The following ZNF439 variants were observed in gnomAD, a reference collection of about 807,000 sequenced individuals.
The protein encoded by ZNF439 is zinc finger protein 439.
ZNF439 carries 40 observed loss-of-function variants against 47.3 expected under a neutral mutation model. The observed-to-expected ratio is 0.85, with a 90% confidence interval of 0.66 to 1.10. The LOEUF (loss-of-function observed/expected upper bound fraction) is 1.10, where lower values mean the gene tolerates loss of function less well. Ranked by LOEUF, ZNF439 falls within the 50% of genes least tolerant of loss-of-function variation. The probability of loss-of-function intolerance (pLI) is 0.00; values close to 1 mark genes in which losing one functional copy is unlikely to be tolerated. For missense variants in ZNF439, 556 were observed against 601.1 expected, an observed-to-expected ratio of 0.93 and a Z score of 0.78; for synonymous variants, 171 against 198.8, an observed-to-expected ratio of 0.86 and a Z score of 1.18.
chr19:11,850,889 G>C (rs1352689413), intron 1 of ZNF439: 2 of 152,106 alleles, frequency 1.3e-5, no homozygotes, highest in Non-Finnish European at 2.9e-5. Context: ...AAATTAGCCG[G>C]ATGTGGTGGC....
In ZNF439 at chr19:11,868,699, T is replaced by C; in HGVS notation, c.*130T>C. The stretch of plus-strand genomic sequence containing the variant: ...CCTTAATTGTTCCAGTTCCTTTCGA[T>C]ATCTAAAAGGACTCACAGTGGAGAA... On this transcript the variant is annotated 3_prime_UTR_variant, in exon 4 of 4. Transcript: ENST00000682736. The C allele has an allele frequency of 9.8e-7, 1 of 1,019,898 alleles. No individual in the cohort carries two copies. The allele number at this position is 1,019,898 out of a possible 1,614,324, so 63.2% of individuals were successfully genotyped here.
At chr19:11,866,114 AC>A in intron 1 of ZNF439, 90 bp from the exon 2 acceptor site, 1 of 1,585,682 alleles carries the variant, frequency 6.3e-7, no homozygotes, top group Non-Finnish European at 8.6e-7. Context: ...TTTGGAGTCC[AC>A]GGCATCCTGA....
chr19:11,864,340 C>T (rs1976616428), intron 1 of ZNF439, among the ~76,000 whole-genome samples: 1 of 152,160 alleles, frequency 6.6e-6, no homozygotes, highest in African/African-American at 2.4e-5. Context: ...CTCTGTCGCC[C>T]AGGCTAGAGT....
chr19:11,852,312 T>C (rs796141754), intron 1 of ZNF439, among the ~76,000 whole-genome samples: 6 of 152,298 alleles, frequency 3.9e-5, no homozygotes, highest in African/African-American at 1.2e-4. Flanking sequence ...AAAGGGTCTT[T>C]CCTGTTTCCC....
chr19:11,864,585 A>G (rs1385982787), intron 1 of ZNF439, among the ~76,000 whole-genome samples: 2 of 151,584 alleles, frequency 1.3e-5, no homozygotes. Flanking sequence ...GCATAAGCCA[A>G]CACGCCTGGC....
chr19:11,865,757 G>T (rs1158962500), intron 1 of ZNF439, among the ~76,000 whole-genome samples: 1 of 149,688 alleles, frequency 6.7e-6, no homozygotes, highest in Non-Finnish European at 1.5e-5. Context: ...TCTGGGTGTG[G>T]TGGCTCATGC....
intron 1 of ZNF439, among the ~76,000 whole-genome samples, chr19:11,860,693 C>T (rs1321484511): frequency 6.6e-6 from 1 of 151,912 alleles, no homozygotes; most frequent in East Asian, 1.9e-4. Context: ...GCTTCTAGTG[C>T]CCTTCGTATT....
At chr19:11,863,990 C>T (rs978653370) in intron 1 of ZNF439, among the ~76,000 whole-genome samples, 7 of 152,048 alleles carry the variant, frequency 4.6e-5, no homozygotes, top group Non-Finnish European at 8.8e-5. Flanking sequence ...TCCGGTTTTG[C>T]ATTTTTAATA....
chr19:11,866,717 T>G, intron 3 of ZNF439, 120 bp downstream of exon 3: 2 of 1,053,926 alleles, frequency 1.9e-6, no homozygotes, highest in Non-Finnish European at 2.7e-6. Context: ...ATTCATACAA[T>G]ATTTTATCTA....
intron 1 of ZNF439, among the ~76,000 whole-genome samples, chr19:11,855,131 T>C (rs1291098116): frequency 6.6e-6 from 1 of 152,146 alleles, no homozygotes; most frequent in Non-Finnish European, 1.5e-5. Context: ...CAGACTGGGA[T>C]TGGATCCCGG....
rs10417222 is a variant in ZNF439, at chr19:11,867,315, A to G, written c.261A>G (p.Thr87=). ...TTCTCATTTTTGACAGGAGTGTCAC[A>G]GAAGAGAAAGTCAATGAAATTAAAG... is the stretch of plus-strand genomic sequence containing the variant. ...QNPRRNFRSV[T]EEKVNEIKED... Residue 87 remains threonine (T), a synonymous_variant, in exon 4 of 4, where the codon ACA becomes ACG. Coordinates refer to ENST00000682736, the MANE Select transcript of ZNF439 (RefSeq NM_001348719.2). 3.5e-3 allele frequency: 5,569 copies of G among 1,609,840 alleles called. 176 individuals carry two copies. The African/African-American group carries it at 0.065, about 19-fold the overall frequency.
At position 11,868,061 on chromosome 19, in the gene ZNF439, G is replaced by T. The variant is rs143256704; in HGVS notation, c.1007G>T (p.Cys336Phe). The change falls in exon 4 of 4, where the codon TGT becomes TTT. Residue 336 changes from cysteine to phenylalanine, a missense_variant. Transcript: ENST00000682736. ...SRKKLYECKQ[C>F]GKALSSLTSF... ...AAAAAACTTTATGAATGTAAGCAGT[G>T]TGGGAAAGCATTATCCTCTCTTACA... is the stretch of plus-strand genomic sequence containing the variant. 5.0e-6 allele frequency: 8 copies of T among 1,614,204 alleles called. No homozygotes were observed. In the African/African-American group the frequency reaches 1.1e-4, roughly 22 times the overall value.
intron 1 of ZNF439, among the ~76,000 whole-genome samples, chr19:11,863,283 C>T (rs1163780212): frequency 1.3e-5 from 2 of 151,312 alleles, no homozygotes; most frequent in African/African-American, 4.9e-5. Context: ...GCCTCAGCCT[C>T]CCGAGTAGCT....
At chr19:11,862,198 C>A (rs933328724) in intron 1 of ZNF439, among the ~76,000 whole-genome samples, 7 of 152,142 alleles carry the variant, frequency 4.6e-5, no homozygotes, top group African/African-American at 1.7e-4. Flanking sequence ...TTGTGAGCCA[C>A]CATGTCCGGC....
chr19:11,866,362 C>T (rs759057634), intron 2 of ZNF439, 31 bp downstream of exon 2: 5 of 1,613,338 alleles, frequency 3.1e-6, no homozygotes, highest in Non-Finnish European at 4.2e-6. Flanking sequence ...TCCCTCAGTG[C>T]ATTAGTTTAC....
intron 1 of ZNF439, among the ~76,000 whole-genome samples, chr19:11,853,705 C>G (rs1300199178): frequency 6.6e-6 from 1 of 152,162 alleles, no homozygotes; most frequent in African/African-American, 2.4e-5. Context: ...GCCTTGGGCT[C>G]CCAACATCTC....
rs558243893 is a variant in ZNF439, at chr19:11,859,682, G to A, written c.64-6523G>A. Among the ~76,000 whole-genome samples, 58 of 152,218 alleles carry A rather than the reference G, an allele frequency of 3.8e-4. No individual in the cohort carries two copies. In the South Asian group the frequency reaches 0.011, roughly 29 times the overall value. ...TTTGAATCGGGCCTTATGGAAATAG[G>A]AAAAACGCAAGGTCCTAAGGGCTCT... On this transcript the variant is annotated intron_variant, in intron 1 of 3. Coordinates refer to ENST00000682736, the MANE Select transcript of ZNF439 (RefSeq NM_001348719.2).
intron 1 of ZNF439, chr19:11,856,412 G>A (rs192731830): frequency 3.7e-4 from 57 of 152,286 alleles, no homozygotes; most frequent in African/African-American, 1.2e-3. Flanking sequence ...TCCATTGTCC[G>A]TTTTTAATTG....
chr19:11,863,569 A>G (rs918640412), intron 1 of ZNF439, among the ~76,000 whole-genome samples: 1 of 152,178 alleles, frequency 6.6e-6, no homozygotes, highest in African/African-American at 2.4e-5. Flanking sequence ...ATTGTGTCCC[A>G]GTCTGCCACC....
Sources: gnomAD v4.1 joint callset for allele counts (sites outside exome capture counted in the v4.1 genomes callset) on GRCh38, gnomAD v4.1.1 for gene constraint, MANE v1.5 for transcripts, NCBI Gene and HGNC (gene_info 2026-07-23, HGNC 2026-07-21) for gene names.